MYOCD: variants seen among roughly 807,000 people sequenced by gnomAD.
MYOCD encodes myocardin.
In MYOCD, 32 loss-of-function variants were observed where a neutral mutation model predicts 96.1. The observed-to-expected ratio is 0.33, with a 90% confidence interval of 0.25 to 0.45. MYOCD has a LOEUF of 0.45. Among genes scored for constraint, MYOCD ranks in the 20% least tolerant of loss-of-function variants. The pLI is 1.00. For missense variants in MYOCD, 1,133 were observed against 1,200.6 expected, an observed-to-expected ratio of 0.94 and a Z score of 0.83; for synonymous variants, 469 against 469.0, an observed-to-expected ratio of 1.00 and a Z score of 0.00.
chr17:12,740,123 G>A (rs1341201056), intron 7 of MYOCD, among the ~76,000 whole-genome samples: 1 of 152,146 alleles, frequency 6.6e-6, no homozygotes, highest in Non-Finnish European at 1.5e-5. Context: ...TTTTCATAGA[G>A]ATGGGGTTTC....
chr17:12,714,158 G>A (rs968699990), intron 2 of MYOCD, among the ~76,000 whole-genome samples: 3 of 151,898 alleles, frequency 2.0e-5, no homozygotes, highest in Non-Finnish European at 4.4e-5. Flanking sequence ...TTTATAGAGA[G>A]CGTGACCTGT....
intron 7 of MYOCD, 100 bp downstream of exon 7, chr17:12,739,428 T>A: frequency 7.4e-7 from 1 of 1,354,062 alleles, no homozygotes; most frequent in Non-Finnish European, 9.7e-7. Flanking sequence ...ACGAGGAGAG[T>A]TACACGGAGG....
intron 5 of MYOCD, among the ~76,000 whole-genome samples, chr17:12,734,169 C>G (rs547436530): frequency 3.3e-5 from 5 of 152,086 alleles, no homozygotes; most frequent in Non-Finnish European, 7.3e-5. Context: ...GGAGGTGATA[C>G]CCTGTGTGGA....
chr17:12,753,100 T>C lies in MYOCD; in HGVS notation c.1812T>C (p.Ala604=), dbSNP rs28730824. The C allele has an allele frequency of 0.052, 83,862 of 1,614,152 alleles. 2,553 individuals are homozygous for C. The highest frequency in any genetic ancestry group is 0.061 in the Non-Finnish European group (71,559 of 1,180,024). ...GTCACCCACCGGCTTGTGAAGCTGCTCAACTCCAGCCTCTTGGAAATGCTC... is the reference window on the plus strand; with the variant it reads ...GTCACCCACCGGCTTGTGAAGCTGCCCAACTCCAGCCTCTTGGAAATGCTC... The part of the protein sequence containing the change: ...SECHPPACEA[A]QLQPLGNAHC... Residue 604 remains alanine (A), a synonymous_variant, in exon 10 of 14, where the codon GCT becomes GCC. Transcript: ENST00000425538.
chr17:12,683,403 C>G (rs992128391), intron 1 of MYOCD, among the ~76,000 whole-genome samples: 3 of 152,230 alleles, frequency 2.0e-5, no homozygotes, highest in Admixed American at 2.0e-4. Context: ...TCACTGTCAC[C>G]AACAACTTTA....
At position 12,757,308 on chromosome 17, in the gene MYOCD, A is replaced by C. The variant is rs981094267; in HGVS notation, c.2202+751A>C. On this transcript the variant is annotated intron_variant, in intron 11 of 13. Transcript: ENST00000425538. ...GCCTGACATAAAAGTGCCACATACC[A>C]CAAGTCGGAAGGGGCAGAGACCCTG... 2.0e-5 allele frequency among the ~76,000 whole-genome samples: 3 copies of C among 152,298 alleles called. 1 individual carries two copies. The highest frequency in any genetic ancestry group is 6.5e-5 in the Admixed American group (1 of 15,300).
intron 1 of MYOCD, among the ~76,000 whole-genome samples, chr17:12,667,397 C>G (rs1460196246): frequency 4.6e-5 from 7 of 152,112 alleles, no homozygotes; most frequent in African/African-American, 1.7e-4. Flanking sequence ...TCTCACTGCC[C>G]CTGAAGCTCT....
chr17:12,763,632 G>A lies in MYOCD; in HGVS notation c.2949G>A (p.Leu983=), dbSNP rs1567605575. 6 of 1,609,940 alleles carry A rather than the reference G, an allele frequency of 3.7e-6. No homozygotes were observed. In the Middle Eastern group the frequency reaches 9.9e-4, roughly 267 times the overall value. ...TGAATTCTTCCATGGACCTTCACTT[G>A]CAGCAGTGGTAGAATGCCCAATGCA... ...LNLNSSMDLH[L]QQW is the part of the protein sequence containing the mutation. The change falls in exon 14 of 14, where the codon TTG becomes TTA. Residue 983 remains leucine, a synonymous_variant. Coordinates refer to ENST00000425538, the MANE Select transcript of MYOCD (RefSeq NM_001146312.3).
intron 4 of MYOCD, among the ~76,000 whole-genome samples, chr17:12,720,943 AC>A (rs2031813349): frequency 6.7e-6 from 1 of 150,130 alleles, no homozygotes; most frequent in African/African-American, 2.5e-5. Context: ...AATGGCGTGA[AC>A]CCGGGAGGCA....
In MYOCD at chr17:12,696,048, T is replaced by TTTGTTG. The variant is rs368329219; in HGVS notation, c.56-9059_56-9054dup. Among the ~76,000 whole-genome samples the TTTGTTG allele has an allele frequency of 7.8e-3, 1,186 of 151,944 alleles. 16 individuals are homozygous for TTTGTTG. Among genetic ancestry groups the TTTGTTG allele is most frequent in the African/African-American group, 0.027 (1,104 of 41,436 alleles). ...TCCTTTTAAGGCTGAATAATATTCC[T>TTTGTTG]TTGTTGTTGTTGTTGTTGTTGTTGT... On this transcript the variant is annotated intron_variant, in intron 1 of 13. Transcript: ENST00000425538.
intron 9 of MYOCD, among the ~76,000 whole-genome samples, chr17:12,750,079 C>T (rs1349760225): frequency 1.3e-5 from 2 of 151,908 alleles, no homozygotes; most frequent in African/African-American, 2.4e-5. Context: ...CCTCGTGATC[C>T]GCCCGCCTCG....
At chr17:12,688,834 C>A (rs893717896) in intron 1 of MYOCD, among the ~76,000 whole-genome samples, 8 of 151,966 alleles carry the variant, frequency 5.3e-5, no homozygotes, top group African/African-American at 1.9e-4. Context: ...AAAAGTATTG[C>A]CTTACAAATC....
At chr17:12,670,847 A>G (rs146128539) in intron 1 of MYOCD, among the ~76,000 whole-genome samples, 88 of 152,344 alleles carry the variant, frequency 5.8e-4, no homozygotes, top group African/African-American at 2.0e-3. Context: ...AAAAATGAAC[A>G]TATTTTAATT....
At chr17:12,702,284 A>T (rs989882346) in intron 1 of MYOCD, among the ~76,000 whole-genome samples, 5 of 151,946 alleles carry the variant, frequency 3.3e-5, no homozygotes, top group Non-Finnish European at 7.4e-5. Flanking sequence ...TGCCACTTAC[A>T]ATTATAAAAT....
Position 12,752,972 on chromosome 17 carries a change from C to T in MYOCD, c.1684C>T (p.Pro562Ser), listed in dbSNP as rs772816688. The change falls in exon 10 of 14, where the codon CCG becomes TCG. Residue 562 changes from proline (P) to serine (S), a missense_variant. Transcript: ENST00000425538. ...QKRNNCSEKK[P>S]LPFLAASIKQ... ...AAGGAATAACTGTTCAGAGAAGAAG[C>T]CGCTGCCTTTCCTGGCTGCCTCCAT... 3.7e-6 allele frequency: 6 copies of T among 1,614,158 alleles called. No homozygotes were observed. The highest frequency in any genetic ancestry group is 3.3e-5 in the South Asian group (3 of 91,078).
intron 1 of MYOCD, among the ~76,000 whole-genome samples, chr17:12,682,612 C>T (rs1176057546): frequency 6.6e-6 from 1 of 152,176 alleles, no homozygotes; most frequent in Non-Finnish European, 1.5e-5. Flanking sequence ...TCTGTTGTAT[C>T]CAGGGTTTGT....
intron 7 of MYOCD, among the ~76,000 whole-genome samples, chr17:12,740,061 G>T (rs143886461): frequency 1.8e-3 from 270 of 151,790 alleles, no homozygotes; most frequent in African/African-American, 6.2e-3. Context: ...TCAGCCTCCC[G>T]AGTATCTGGG....
At chr17:12,721,535 G>C (rs1388566634) in intron 4 of MYOCD, among the ~76,000 whole-genome samples, 2 of 142,856 alleles carry the variant, frequency 1.4e-5, no homozygotes, top group African/African-American at 4.9e-5. Context: ...AAGGAAATAA[G>C]CCAAGGTGCA....
intron 4 of MYOCD, among the ~76,000 whole-genome samples, chr17:12,719,228 A>C (rs919985305): frequency 2.4e-4 from 35 of 143,452 alleles, no homozygotes; most frequent in Non-Finnish European, 5.1e-4. Context: ...TTCAGTGATC[A>C]AGTTAACAAA....
Sources: allele counts gnomAD v4.1 joint callset (sites outside exome capture counted in the v4.1 genomes callset), GRCh38; gene constraint gnomAD v4.1.1; transcripts MANE v1.5; gene names NCBI Gene and HGNC (gene_info 2026-07-23, HGNC 2026-07-21).